Variants in OSBPL6 observed in about 807,000 individuals in gnomAD.
OSBPL6 encodes the protein oxysterol-binding protein-related protein 6.
A neutral mutation model predicts 125.8 loss-of-function variants in OSBPL6; 49 were observed. That is an observed-to-expected ratio of 0.39 (90% confidence interval 0.31 to 0.49). The LOEUF is 0.49. Ranked by LOEUF, OSBPL6 falls within the 20% of genes least tolerant of loss-of-function variation. OSBPL6 has a pLI of 0.88. For missense variants in OSBPL6, 986 were observed against 1,135.4 expected (o/e 0.87, Z 1.89); for synonymous variants, 394 against 391.8 (o/e 1.01, Z -0.07).
At chr2:178,363,525 C>T (rs946718599) in intron 13 of OSBPL6, among the ~76,000 whole-genome samples, 5 of 152,066 alleles carry the variant, frequency 3.3e-5, no homozygotes, top group East Asian at 3.9e-4. Context: ...GCACATTTCC[C>T]GGGCTCTGGT....
In OSBPL6 at chr2:178,311,508, A is replaced by G. The variant is rs538917821; in HGVS notation, c.102+5222A>G. 3.4e-3 allele frequency among the ~76,000 whole-genome samples: 517 copies of G among 152,346 alleles called. 5 individuals are homozygous for G. The highest frequency in any genetic ancestry group is 0.011 in the African/African-American group (472 of 41,586). On this transcript the variant is annotated intron_variant, in intron 3 of 24. Transcript: ENST00000190611. ...TCCCTAACACTGAAATGTAAGCCCT[A>G]TGAAAACAGGGTTTTATTTCACTCA...
intron 5 of OSBPL6, among the ~76,000 whole-genome samples, chr2:178,331,160 C>T (rs751442560): frequency 6.6e-5 from 10 of 152,242 alleles, no homozygotes; most frequent in East Asian, 1.9e-4. Flanking sequence ...TTTATATTCA[C>T]GGTGAAAAAT....
chr2:178,386,025 C>T (rs953844312), intron 19 of OSBPL6, among the ~76,000 whole-genome samples: 1 of 152,148 alleles, frequency 6.6e-6, no homozygotes, highest in Admixed American at 6.5e-5. Context: ...ATGTTACAAG[C>T]TTGCCTAATA....
intron 15 of OSBPL6, among the ~76,000 whole-genome samples, chr2:178,375,624 T>C (rs1172824383): frequency 3.3e-5 from 5 of 152,036 alleles, no homozygotes; most frequent in African/African-American, 9.7e-5. Context: ...GATTTCTCCA[T>C]GTTGGTCAGG....
At chr2:178,359,303 A>T (rs150763169) in intron 12 of OSBPL6, among the ~76,000 whole-genome samples, 1 of 152,378 alleles carries the variant, frequency 6.6e-6, no homozygotes, top group Non-Finnish European at 1.5e-5. Context: ...GTACATAAAA[A>T]GGTGATCAGC....
intron 1 of OSBPL6, among the ~76,000 whole-genome samples, chr2:178,257,481 A>C (rs766898446): frequency 1.3e-5 from 2 of 152,182 alleles, no homozygotes; most frequent in Non-Finnish European, 2.9e-5. Flanking sequence ...AAAGTGAATA[A>C]ACTTTTTCTG....
At chr2:178,245,372 T>C (rs887739105) in intron 1 of OSBPL6, among the ~76,000 whole-genome samples, 8 of 152,238 alleles carry the variant, frequency 5.3e-5, no homozygotes, top group Admixed American at 1.3e-4. Flanking sequence ...ATTCTGTTGT[T>C]TGCTAGGAGC....
Position 178,262,901 on chromosome 2 carries a change from G to A in OSBPL6, c.-350-22026G>A, listed in dbSNP as rs372335959. On this transcript the variant is annotated intron_variant, in intron 1 of 24. Transcript: ENST00000190611. ...TGGGTAAATATGGGATGGAGATGAG[G>A]AATCAAATACAGTTGAAATTTAGAG... is the stretch of plus-strand genomic sequence containing the variant. Among the ~76,000 whole-genome samples, 12 of 152,288 alleles carry A rather than the reference G, an allele frequency of 7.9e-5. 1 individual carries two copies. In the East Asian group the frequency reaches 1.9e-3, roughly 24 times the overall value.
In OSBPL6 at chr2:178,292,814, T is replaced by G. The variant is rs1362506439; in HGVS notation, c.-156+7693T>G. Reference sequence around the variant, plus strand: ...TAAATACTGCGTGAGATAAGAGCTATGAAGGAAATGAAAAGAGTATTGTTC... The same window carrying G: ...TAAATACTGCGTGAGATAAGAGCTAGGAAGGAAATGAAAAGAGTATTGTTC... On this transcript the variant is annotated intron_variant, in intron 2 of 24. Transcript: ENST00000190611. Among the ~76,000 whole-genome samples, 4 of 152,216 alleles carry G rather than the reference T, an allele frequency of 2.6e-5. No homozygotes were observed. The East Asian group carries it at 7.7e-4, about 29-fold the overall frequency.
intron 2 of OSBPL6, among the ~76,000 whole-genome samples, chr2:178,304,175 G>A (rs186290415): frequency 8.5e-5 from 13 of 152,154 alleles, no homozygotes; most frequent in East Asian, 3.9e-4. Flanking sequence ...ACCTCATGTC[G>A]TCATATGGCA....
In OSBPL6 at chr2:178,214,302, T is replaced by C. The variant is rs112022435; in HGVS notation, c.-351+19628T>C. On this transcript the variant is annotated intron_variant, in intron 1 of 24. Coordinates refer to ENST00000190611, the MANE Select transcript of OSBPL6 (RefSeq NM_032523.4). The stretch of plus-strand genomic sequence containing the variant: ...AATCCTGTAAAGGCCTTATATAGAT[T>C]TTGCTAACTGTTCAGCTGTTACATC... Among the ~76,000 whole-genome samples, 1,143 of 152,290 alleles carry C rather than the reference T, an allele frequency of 7.5e-3. 15 individuals carry two copies. The highest frequency in any genetic ancestry group is 0.025 in the African/African-American group (1,055 of 41,536).
intron 1 of OSBPL6, among the ~76,000 whole-genome samples, chr2:178,246,471 G>A (rs1331740602): frequency 5.3e-5 from 8 of 152,096 alleles, no homozygotes. Flanking sequence ...CCTGGTGTGA[G>A]AACTGAGTTA....
intron 21 of OSBPL6, among the ~76,000 whole-genome samples, chr2:178,390,542 A>G (rs1385422202): frequency 2.6e-5 from 4 of 152,222 alleles, no homozygotes; most frequent in African/African-American, 4.8e-5. Flanking sequence ...TACTTGGACA[A>G]GGAATTCTAG....
chr2:178,364,601 G>A (rs2154100236), intron 13 of OSBPL6, among the ~76,000 whole-genome samples: 1 of 152,272 alleles, frequency 6.6e-6, no homozygotes, highest in South Asian at 2.1e-4. Context: ...CAGGGTTTTT[G>A]CTTGGATAAC....
At chr2:178,214,988 A>G (rs1246611241) in intron 1 of OSBPL6, among the ~76,000 whole-genome samples, 2 of 152,098 alleles carry the variant, frequency 1.3e-5, no homozygotes, top group Non-Finnish European at 2.9e-5. Context: ...TGCCTGGATT[A>G]GTATTTGGTT....
chr2:178,261,647 C>T (rs929872556), intron 1 of OSBPL6, among the ~76,000 whole-genome samples: 5 of 152,234 alleles, frequency 3.3e-5, no homozygotes, highest in Middle Eastern at 6.8e-3. Flanking sequence ...AAAGGTGAAA[C>T]GCAAATATTA....
intron 1 of OSBPL6, among the ~76,000 whole-genome samples, chr2:178,266,217 C>T (rs902652482): frequency 1.3e-5 from 2 of 152,166 alleles, no homozygotes; most frequent in Non-Finnish European, 2.9e-5. Flanking sequence ...GTCTCAATCG[C>T]AAGAAGACCA....
At chr2:178,298,695 C>G (rs12693159) in intron 2 of OSBPL6, among the ~76,000 whole-genome samples, 2 of 141,668 alleles carry the variant, frequency 1.4e-5, no homozygotes, top group Non-Finnish European at 3.1e-5. Context: ...TTTTTAGTTG[C>G]TTTTTTTTTT....
intron 1 of OSBPL6, among the ~76,000 whole-genome samples, chr2:178,256,801 G>A (rs2091900632): frequency 6.6e-6 from 1 of 152,090 alleles, no homozygotes; most frequent in African/African-American, 2.4e-5. Context: ...ATTCTGGCAT[G>A]CCTAACTCAC....
Sources: allele counts gnomAD v4.1 joint callset (sites outside exome capture counted in the v4.1 genomes callset), GRCh38; gene constraint gnomAD v4.1.1; transcripts MANE v1.5; gene names NCBI Gene and HGNC (gene_info 2026-07-23, HGNC 2026-07-21).